Variants in RBFOX3 observed in about 807,000 individuals in gnomAD.
RBFOX3 encodes RNA binding protein fox-1 homolog 3.
Under a neutral mutation model 48.7 loss-of-function variants are expected in RBFOX3, and 17 were observed. That is an observed-to-expected ratio of 0.35 (90% CI 0.24 to 0.52). The LOEUF is 0.52. RBFOX3 is among the 20% of genes least tolerant of loss of function. The probability of loss-of-function intolerance (pLI) is 0.94; values close to 1 mark genes in which losing one functional copy is unlikely to be tolerated. For missense variants in RBFOX3, 382 were observed against 497.5 expected, an observed-to-expected ratio of 0.77 and a Z score of 2.21; for synonymous variants, 212 against 209.5, an observed-to-expected ratio of 1.01 and a Z score of -0.10.
At chr17:79,094,269 A>G (rs2074672103) in intron 14 of RBFOX3, 182 bp downstream of exon 14, 2 of 487,438 alleles carry the variant, frequency 4.1e-6, no homozygotes, top group Non-Finnish European at 7.1e-6. Flanking sequence ...CTTCCCCGCA[A>G]CTGAGAGGGC....
intron 4 of RBFOX3, among the ~76,000 whole-genome samples, chr17:79,142,602 G>A (rs777849425): frequency 6.6e-6 from 1 of 152,134 alleles, no homozygotes; most frequent in Non-Finnish European, 1.5e-5. Flanking sequence ...TCGTGGGTGT[G>A]TGGAGGTGGG....
At chr17:79,593,707 AT>A (rs1234438236) in intron 1 of RBFOX3, among the ~76,000 whole-genome samples, 22 of 152,226 alleles carry the variant, frequency 1.4e-4, no homozygotes, top group African/African-American at 4.8e-4. Flanking sequence ...TTGTGTCTTG[AT>A]TTTGAAAACG....
At chr17:79,607,152 G>C (rs982115068) in intron 1 of RBFOX3, among the ~76,000 whole-genome samples, 102 of 152,220 alleles carry the variant, frequency 6.7e-4, no homozygotes, top group African/African-American at 2.4e-3. Context: ...CCAGGAGCAG[G>C]GGCCTGTGGC....
intron 1 of RBFOX3, among the ~76,000 whole-genome samples, chr17:79,577,194 A>G (rs1373377069): frequency 6.6e-6 from 1 of 152,170 alleles, no homozygotes; most frequent in Admixed American, 6.5e-5. Flanking sequence ...CTGTCTTCCA[A>G]TGACCAAGAT....
In RBFOX3 at chr17:79,292,443, G is replaced by A. The variant is rs1439400281; in HGVS notation, c.-74+15281C>T. ...GCAACCAGGGGACAAGGGGACTGTG[G>A]CACCAGTCACTAGCATGTCCCCGGC... On this transcript the variant is annotated intron_variant, in intron 3 of 14. Transcript: ENST00000693108. Among the ~76,000 whole-genome samples the A allele has an allele frequency of 3.3e-5, 5 of 152,188 alleles. No individual in the cohort carries two copies. In the East Asian group the frequency reaches 9.6e-4, roughly 29 times the overall value.
intron 3 of RBFOX3, among the ~76,000 whole-genome samples, chr17:79,270,961 T>TTTTTCTCTTTCTTTTC (rs1202382789): frequency 2.1e-4 from 31 of 147,960 alleles, no homozygotes; most frequent in South Asian, 8.7e-4. Context: ...CTTTTCTTTT[T>TTTTTCTCTTTCTTTTC]CTTTCTCTTT....
rs907367603 is a variant in RBFOX3, at chr17:79,584,911, A to G, written c.-320+25915T>C. Among the ~76,000 whole-genome samples, 159 of 151,898 alleles carry G rather than the reference A, an allele frequency of 1.0e-3. 3 individuals carry two copies. In the South Asian group the frequency reaches 0.023, roughly 22 times the overall value. On this transcript the variant is annotated intron_variant, in intron 1 of 14. Coordinates refer to ENST00000693108, the MANE Select transcript of RBFOX3 (RefSeq NM_001350451.2). ...CTCCCAAGTAGCTGGGACTACAGGC[A>G]CCCGCCACCACACCCAGCTACTTTT... is the stretch of plus-strand genomic sequence containing the variant.
chr17:79,168,052 G>A (rs1438732653), intron 4 of RBFOX3, among the ~76,000 whole-genome samples: 4 of 152,222 alleles, frequency 2.6e-5, no homozygotes, highest in Admixed American at 6.5e-5. Flanking sequence ...AACTGGGGAG[G>A]GTGGTTGGCA....
intron 2 of RBFOX3, among the ~76,000 whole-genome samples, chr17:79,355,295 G>A (rs984921940): frequency 1.3e-5 from 2 of 152,234 alleles, no homozygotes; most frequent in Non-Finnish European, 2.9e-5. Context: ...CGTATCGAGG[G>A]CTCTGGGGAG....
intron 1 of RBFOX3, among the ~76,000 whole-genome samples, chr17:79,584,268 G>A: frequency 6.6e-6 from 1 of 152,162 alleles, no homozygotes; most frequent in East Asian, 1.9e-4. Context: ...ATGTTAGCAG[G>A]GAACACTTTT....
chr17:79,163,306 C>T (rs1178545937), intron 4 of RBFOX3, among the ~76,000 whole-genome samples: 1 of 152,202 alleles, frequency 6.6e-6, no homozygotes, highest in Admixed American at 6.5e-5. Context: ...AGGCCCGGGG[C>T]CTCACGGCCT....
At chr17:79,516,953 G>A (rs2085327990) in intron 1 of RBFOX3, among the ~76,000 whole-genome samples, 1 of 152,096 alleles carries the variant, frequency 6.6e-6, no homozygotes. Context: ...AAGGTAGAAT[G>A]GGGGTTGCTG....
At chr17:79,268,943 G>C (rs2143538423) in intron 3 of RBFOX3, among the ~76,000 whole-genome samples, 1 of 152,336 alleles carries the variant, frequency 6.6e-6, no homozygotes, top group Admixed American at 6.5e-5. Flanking sequence ...TCCTTGTCCA[G>C]CTTAGCTGTT....
intron 4 of RBFOX3, among the ~76,000 whole-genome samples, chr17:79,133,194 A>G (rs561658851): frequency 2.0e-5 from 3 of 152,282 alleles, no homozygotes; most frequent in Admixed American, 2.0e-4. Flanking sequence ...GATCCCGGTA[A>G]GTTACCAAGG....
chr17:79,330,462 TTTC>T (rs1204385797), intron 2 of RBFOX3, among the ~76,000 whole-genome samples: 3 of 152,212 alleles, frequency 2.0e-5, no homozygotes, highest in African/African-American at 7.2e-5. Context: ...TGTGGTTTTT[TTTC>T]TTTTCACGCT....
At chr17:79,629,816 A>C in the RBFOX3 span, among the ~76,000 whole-genome samples, 1 of 152,200 alleles carries the variant, frequency 6.6e-6, no homozygotes, top group Non-Finnish European at 1.5e-5. Context: ...CTATTGTAGA[A>C]GAATATTGAA....
In RBFOX3 at chr17:79,204,254, A is replaced by G. The variant is rs938653934; in HGVS notation, c.-34+31512T>C. 1.3e-5 allele frequency among the ~76,000 whole-genome samples: 2 copies of G among 152,218 alleles called. No homozygotes were observed. The highest frequency in any genetic ancestry group is 2.9e-5 in the Non-Finnish European group (2 of 68,034). ...ACACACCCAAAAAGCTCCAAGACCC[A>G]GTGGATACACACCAGTGGACGCCGG... On this transcript the variant is annotated intron_variant, in intron 4 of 14. Transcript: ENST00000693108. The surrounding 1 kb of genome is among the most constrained non-coding windows in gnomAD (Gnocchi z 4.5).
At chr17:79,272,539 G>T (rs1249533093) in intron 3 of RBFOX3, among the ~76,000 whole-genome samples, 1 of 152,224 alleles carries the variant, frequency 6.6e-6, no homozygotes, top group Non-Finnish European at 1.5e-5. Context: ...CCCACGCGGG[G>T]CCACGCAGGT....
upstream of RBFOX3, among the ~76,000 whole-genome samples, chr17:79,615,405 A>G (rs890518735): frequency 0.014 from 2,189 of 152,260 alleles, 32 homozygotes; most frequent in Non-Finnish European, 0.022. Flanking sequence ...GTAAGCGGGC[A>G]GGGATCCACA....
Sources: allele counts gnomAD v4.1 joint callset (sites outside exome capture counted in the v4.1 genomes callset), GRCh38; gene constraint gnomAD v4.1.1; non-coding constraint Gnocchi (gnomAD v3.1); transcripts MANE v1.5; gene names NCBI Gene and HGNC (gene_info 2026-07-23, HGNC 2026-07-21).